Variants in PDE1A observed in about 807,000 individuals in gnomAD.
The protein encoded by PDE1A is dual specificity calcium/calmodulin-dependent 3',5'-cyclic nucleotide phosphodiesterase 1A.
In PDE1A, 35 loss-of-function variants were observed where a neutral mutation model predicts 61.7. That is an observed-to-expected ratio of 0.57 (90% confidence interval 0.43 to 0.75). PDE1A has a LOEUF of 0.75. Ranked by LOEUF, PDE1A falls within the 30% of genes least tolerant of loss-of-function variation. The pLI, the probability that PDE1A is intolerant of heterozygous loss-of-function variation, is 0.00. For missense variants in PDE1A, 597 were observed against 630.6 expected (o/e 0.95, Z 0.57); for synonymous variants, 232 against 213.2 (o/e 1.09, Z -0.77).
intron 1 of PDE1A, among the ~76,000 whole-genome samples, chr2:182,289,358 T>C (rs1392673281): frequency 1.3e-5 from 2 of 152,068 alleles, no homozygotes; most frequent in Non-Finnish European, 2.9e-5. Context: ...AAGAAAGACA[T>C]TATGGGCAGG....
At chr2:182,494,073 A>G (rs1688562752) in intron 2 of PDE1A, among the ~76,000 whole-genome samples, 1 of 152,256 alleles carries the variant, frequency 6.6e-6, no homozygotes, top group South Asian at 2.1e-4. Context: ...TCAGAAATGT[A>G]CATTCAAAAC....
the PDE1A span, among the ~76,000 whole-genome samples, chr2:182,648,045 C>G: frequency 5.3e-5 from 8 of 152,114 alleles, no homozygotes; most frequent in African/African-American, 1.9e-4. Flanking sequence ...GACTAGAACA[C>G]TTGTTTAAAA....
Position 182,507,794 on chromosome 2 carries a change from G to A in PDE1A, c.101+14482C>T, listed in dbSNP as rs182492638. Among the ~76,000 whole-genome samples, 450 of 152,178 alleles carry A rather than the reference G, an allele frequency of 3.0e-3. 2 individuals are homozygous for A. Among genetic ancestry groups the A allele is most frequent in the Non-Finnish European group, 4.6e-3 (316 of 67,990 alleles). ...TGAACAGCCACACATAAAGATGCTT[G>A]TTCATACTGCAACCAGTGGGAAGTA... On this transcript the variant is annotated intron_variant, in intron 2 of 14. Transcript: ENST00000410103.
chr2:182,161,423 G>A (rs868274813), intron 13 of PDE1A, among the ~76,000 whole-genome samples: 18 of 152,004 alleles, frequency 1.2e-4, no homozygotes, highest in South Asian at 4.1e-4. Flanking sequence ...CATTGAGCTC[G>A]TAAATTCTGA....
At chr2:182,191,100 T>C (rs1037007041) in intron 10 of PDE1A, among the ~76,000 whole-genome samples, 4 of 152,152 alleles carry the variant, frequency 2.6e-5, no homozygotes, top group Admixed American at 2.6e-4. Flanking sequence ...TAATTTAGCA[T>C]GTAATAGAGA....
At chr2:182,475,206 T>C (rs1030838525) in intron 2 of PDE1A, among the ~76,000 whole-genome samples, 1 of 151,930 alleles carries the variant, frequency 6.6e-6, no homozygotes, top group Non-Finnish European at 1.5e-5. Flanking sequence ...AGGAATGGGA[T>C]GTCTTCCACA....
the PDE1A span, among the ~76,000 whole-genome samples, chr2:182,658,047 T>TAAAAAAA: frequency 4.8e-4 from 32 of 66,654 alleles, 1 homozygote; most frequent in African/African-American, 1.7e-3. Context: ...AGCTTCTCAG[T>TAAAAAAA]AAAAAAAAAA....
the PDE1A span, among the ~76,000 whole-genome samples, chr2:182,537,424 C>A: frequency 3.0e-4 from 46 of 152,218 alleles, no homozygotes; most frequent in Non-Finnish European, 5.0e-4. Flanking sequence ...CGCATGTTCT[C>A]ACTCATAACT....
chr2:182,705,626 G>A, the PDE1A span, among the ~76,000 whole-genome samples: 7 of 152,008 alleles, frequency 4.6e-5, no homozygotes, highest in Admixed American at 4.6e-4. Context: ...CGATTCTTCT[G>A]CCTCAGCTTC....
At chr2:182,697,160 A>C in the PDE1A span, among the ~76,000 whole-genome samples, 1 of 152,176 alleles carries the variant, frequency 6.6e-6, no homozygotes, top group Admixed American at 6.5e-5. Context: ...ATGTCTGCAG[A>C]AAGCCTGTAC....
the PDE1A span, among the ~76,000 whole-genome samples, chr2:182,539,570 C>T: frequency 6.6e-6 from 1 of 152,200 alleles, no homozygotes; most frequent in Non-Finnish European, 1.5e-5. Flanking sequence ...ATATTTGGTT[C>T]ATTGTTTGTT....
intron 7 of PDE1A, among the ~76,000 whole-genome samples, chr2:182,212,174 A>ACTT (rs1401926401): frequency 7.1e-6 from 1 of 140,236 alleles, no homozygotes; most frequent in Non-Finnish European, 1.5e-5. Context: ...TGAATTATTT[A>ACTT]CTTTTTAATT....
intron 1 of PDE1A, among the ~76,000 whole-genome samples, chr2:182,397,138 CT>C (rs1022139049): frequency 2.6e-5 from 4 of 152,068 alleles, no homozygotes; most frequent in Admixed American, 6.6e-5. Flanking sequence ...GCACTATTAC[CT>C]TTCATTTCAA....
At chr2:182,532,525 T>G in the PDE1A span, among the ~76,000 whole-genome samples, 2 of 152,110 alleles carry the variant, frequency 1.3e-5, no homozygotes, top group Non-Finnish European at 2.9e-5. Context: ...GGGCTGGGGT[T>G]AGGAAAGGGG....
chr2:182,173,910 C>A, intron 13 of PDE1A, among the ~76,000 whole-genome samples: 1 of 151,950 alleles, frequency 6.6e-6, no homozygotes, highest in East Asian at 1.9e-4. Flanking sequence ...TAAAGTAATT[C>A]AATACAAAGT....
chr2:182,707,946 A>T, the PDE1A span, among the ~76,000 whole-genome samples: 1 of 152,178 alleles, frequency 6.6e-6, no homozygotes, highest in Non-Finnish European at 1.5e-5. Flanking sequence ...GTCCTATGGC[A>T]CTGTAGAGTG....
At chr2:182,558,106 T>C in the PDE1A span, among the ~76,000 whole-genome samples, 23 of 152,196 alleles carry the variant, frequency 1.5e-4, no homozygotes, top group African/African-American at 5.1e-4. Context: ...TTATCATTGA[T>C]GTATATCATT....
chr2:182,471,827 G>T (rs985359729), intron 2 of PDE1A, among the ~76,000 whole-genome samples: 1 of 151,572 alleles, frequency 6.6e-6, no homozygotes, highest in East Asian at 1.9e-4. Flanking sequence ...TCCAAAAGGG[G>T]ACAGAATGTA....
chr2:182,197,736 T>A (rs1461714974), intron 10 of PDE1A, among the ~76,000 whole-genome samples: 2 of 151,830 alleles, frequency 1.3e-5, no homozygotes, highest in Non-Finnish European at 1.5e-5. Flanking sequence ...CTGAAATCAC[T>A]CCTCTATTTT....
Sources: allele counts gnomAD v4.1 joint callset (sites outside exome capture counted in the v4.1 genomes callset), GRCh38; gene constraint gnomAD v4.1.1; transcripts MANE v1.5; gene names NCBI Gene and HGNC (gene_info 2026-07-23, HGNC 2026-07-21).